Variants in PKNOX2 observed in about 807,000 individuals in gnomAD.
The protein encoded by PKNOX2 is homeobox protein PKNOX2.
A neutral mutation model predicts 53.1 loss-of-function variants in PKNOX2; 14 were observed. The observed-to-expected ratio is 0.26, with a 90% CI of 0.17 to 0.41. The LOEUF is 0.41. Among genes scored for constraint, PKNOX2 ranks in the 10% least tolerant of loss-of-function variants. The probability of loss-of-function intolerance (pLI) is 1.00; values close to 1 mark genes in which losing one functional copy is unlikely to be tolerated. For missense variants in PKNOX2, 496 were observed against 602.8 expected (o/e 0.82, Z 1.85); for synonymous variants, 257 against 242.8 (o/e 1.06, Z -0.54).
chr11:125,212,680 G>C (rs1940012744), intron 1 of PKNOX2, among the ~76,000 whole-genome samples: 1 of 151,806 alleles, frequency 6.6e-6, no homozygotes, highest in Non-Finnish European at 1.5e-5. Context: ...TTATATCCCT[G>C]GGCTGATAGG....
chr11:125,368,714 C>A (rs757629019), intron 5 of PKNOX2, among the ~76,000 whole-genome samples: 11 of 152,172 alleles, frequency 7.2e-5, no homozygotes, highest in Non-Finnish European at 1.3e-4. Context: ...TTGAATGTTG[C>A]AGAGGGTGGG....
Position 125,432,862 on chromosome 11 carries a change from C to A in PKNOX2, c.*1470C>A, listed in dbSNP as rs1956762109. ...TCAGTGGCAGGATGTGAGTGGCTAC[C>A]TGGCTCAACTGGAGGGGACCCCTTG... On this transcript the variant is annotated 3_prime_UTR_variant, in exon 13 of 13. Coordinates refer to ENST00000298282, the MANE Select transcript of PKNOX2 (RefSeq NM_001382323.2). 6.6e-6 allele frequency: 1 copy of A among 152,662 alleles called. No homozygotes were observed. The highest frequency in any genetic ancestry group is 2.4e-5 in the African/African-American group (1 of 41,466). The allele number at this position is 152,662 out of a possible 1,614,324, so 9.5% of individuals were successfully genotyped here. A position where few individuals can be genotyped will look rare whatever the true frequency, so the allele number is the denominator to read the frequency against.
intron 3 of PKNOX2, among the ~76,000 whole-genome samples, chr11:125,334,942 T>C (rs1239454740): frequency 6.6e-6 from 1 of 152,190 alleles, no homozygotes; most frequent in African/African-American, 2.4e-5. Context: ...TCTGTAATTG[T>C]GGTAATCATA....
chr11:125,170,933 G>A (rs1955262226), intron 1 of PKNOX2, among the ~76,000 whole-genome samples: 1 of 151,790 alleles, frequency 6.6e-6, no homozygotes, highest in African/African-American at 2.4e-5. Context: ...ATTTGAGTAC[G>A]GCTCAGTCAA....
At chr11:125,197,860 C>T (rs569350231) in intron 1 of PKNOX2, among the ~76,000 whole-genome samples, 117 of 152,328 alleles carry the variant, frequency 7.7e-4, no homozygotes, top group African/African-American at 2.6e-3. Flanking sequence ...CTGCCCTTCA[C>T]ACAGACGTGC....
At chr11:125,376,143 C>T (rs1412187810) in intron 5 of PKNOX2, among the ~76,000 whole-genome samples, 1 of 152,176 alleles carries the variant, frequency 6.6e-6, no homozygotes, top group Non-Finnish European at 1.5e-5. Flanking sequence ...AGACTGCGAC[C>T]TGCCCTGGGC....
chr11:125,199,001 T>A (rs1480940839), intron 1 of PKNOX2, among the ~76,000 whole-genome samples: 1 of 152,026 alleles, frequency 6.6e-6, no homozygotes, highest in Admixed American at 6.6e-5. Context: ...CTACTATGCC[T>A]GGCTAATTTT....
At chr11:125,203,676 G>T (rs1338610920) in intron 1 of PKNOX2, among the ~76,000 whole-genome samples, 1 of 152,222 alleles carries the variant, frequency 6.6e-6, no homozygotes. Context: ...GCTTTTGGGA[G>T]CAGAGTCAAG....
In PKNOX2 at chr11:125,375,787, T is replaced by C. The variant is rs182018334; in HGVS notation, c.227+7802T>C. Among the ~76,000 whole-genome samples the C allele has an allele frequency of 5.4e-3, 826 of 152,316 alleles. 11 individuals are homozygous for C. Among genetic ancestry groups the C allele is most frequent in the South Asian group, 0.012 (57 of 4,824 alleles). On this transcript the variant is annotated intron_variant, in intron 5 of 12. Transcript: ENST00000298282. ...TGAATTTCTGGTGACTTGGCTGGAA[T>C]CACTGATCGCCTTTCACTAGCTGCC...
chr11:125,289,034 C>A (rs1947120931), intron 2 of PKNOX2, among the ~76,000 whole-genome samples: 1 of 152,222 alleles, frequency 6.6e-6, no homozygotes, highest in African/African-American at 2.4e-5. Flanking sequence ...TAGCACAGTG[C>A]AAAGCACATA....
intron 5 of PKNOX2, among the ~76,000 whole-genome samples, chr11:125,383,052 G>A (rs1953361715): frequency 1.3e-5 from 2 of 152,158 alleles, no homozygotes; most frequent in South Asian, 4.1e-4. Flanking sequence ...GCCAAGCCCA[G>A]CAGCTCCTCT....
intron 6 of PKNOX2, among the ~76,000 whole-genome samples, chr11:125,387,604 G>A (rs538757412): frequency 2.0e-5 from 3 of 152,196 alleles, no homozygotes; most frequent in Non-Finnish European, 4.4e-5. Context: ...ACAGAACTTG[G>A]TTGAGTGTCT....
chr11:125,357,329 C>T (rs902367111), intron 4 of PKNOX2, among the ~76,000 whole-genome samples: 5 of 152,154 alleles, frequency 3.3e-5, no homozygotes, highest in East Asian at 1.9e-4. Context: ...CAGGTCCAAC[C>T]GTGGGGCCTT....
chr11:125,424,350 CT>C (rs925145508), intron 10 of PKNOX2, among the ~76,000 whole-genome samples: 26 of 151,576 alleles, frequency 1.7e-4, no homozygotes, highest in Non-Finnish European at 2.9e-4. Flanking sequence ...TTCTAAAAGA[CT>C]TTTTTTTTCT....
rs557043665 is a variant in PKNOX2, at chr11:125,196,713, G to A, written c.-201+31937G>A. Among the ~76,000 whole-genome samples, 24 of 152,276 alleles carry A rather than the reference G, an allele frequency of 1.6e-4. No homozygotes were observed. In the East Asian group the frequency reaches 4.4e-3, roughly 28 times the overall value. On this transcript the variant is annotated intron_variant, in intron 1 of 12. Coordinates refer to ENST00000298282, the MANE Select transcript of PKNOX2 (RefSeq NM_001382323.2). Reference sequence around the variant, plus strand: ...TGAATTTCCTCATCATTAGAACAAAGGCATTGGACTCGATCATGTCCAATA... The same window carrying A: ...TGAATTTCCTCATCATTAGAACAAAAGCATTGGACTCGATCATGTCCAATA...
chr11:125,172,864 C>T (rs895280963), intron 1 of PKNOX2, among the ~76,000 whole-genome samples: 2 of 152,200 alleles, frequency 1.3e-5, no homozygotes, highest in Non-Finnish European at 2.9e-5. Context: ...TCTGACCCTT[C>T]TGATGGCCTG....
chr11:125,292,446 G>A (rs1947363105), intron 2 of PKNOX2, among the ~76,000 whole-genome samples: 1 of 152,182 alleles, frequency 6.6e-6, no homozygotes, highest in Non-Finnish European at 1.5e-5. Flanking sequence ...GTGATGCTGG[G>A]TGGGGTGGGA....
chr11:125,409,782 C>T (rs776398872), intron 7 of PKNOX2, among the ~76,000 whole-genome samples: 15 of 151,994 alleles, frequency 9.9e-5, no homozygotes, highest in African/African-American at 1.5e-4. Context: ...TTTAATAACC[C>T]GGAGCCCATT....
At position 125,315,318 on chromosome 11, in the gene PKNOX2, A is replaced by AAAAC. The variant is rs1555150597; in HGVS notation, c.-129-16498_-129-16497insCAAA. 1.5e-3 allele frequency among the ~76,000 whole-genome samples: 228 copies of AAAAC among 151,464 alleles called. 3 individuals are homozygous for AAAAC. The highest frequency in any genetic ancestry group is 5.4e-3 in the African/African-American group (223 of 41,098). ...TGTGAAGCAGGAAAAAAAAAAAAAA[A>AAAAC]AAAAAAAAAACACCTCTCTCTGCAT... On this transcript the variant is annotated intron_variant, in intron 2 of 12. Coordinates refer to ENST00000298282, the MANE Select transcript of PKNOX2 (RefSeq NM_001382323.2).
Sources: allele counts gnomAD v4.1 joint callset (sites outside exome capture counted in the v4.1 genomes callset), GRCh38; gene constraint gnomAD v4.1.1; transcripts MANE v1.5; gene names NCBI Gene and HGNC (gene_info 2026-07-23, HGNC 2026-07-21).